The following APBA1 variants were observed in gnomAD, a reference collection of about 807,000 sequenced individuals.
APBA1 encodes amyloid-beta A4 precursor protein-binding family A member 1.
In APBA1, 55 loss-of-function variants were observed where a neutral mutation model predicts 86.6. The observed-to-expected ratio is 0.64, with a 90% CI of 0.51 to 0.80. The LOEUF (loss-of-function observed/expected upper bound fraction) is 0.80, where lower values mean the gene tolerates loss of function less well. Ranked by LOEUF, APBA1 falls within the 30% of genes least tolerant of loss-of-function variation. The probability of loss-of-function intolerance (pLI) is 0.00; values close to 1 mark genes in which losing one functional copy is unlikely to be tolerated. For synonymous variants in APBA1, 511 were observed against 493.9 expected (o/e 1.03, Z -0.46); for missense variants, 1,090 against 1,183.0 (o/e 0.92, Z 1.15).
intron 5 of APBA1, chr9:69,465,299 C>T (rs1835257874): frequency 6.6e-6 from 1 of 152,194 alleles, no homozygotes; most frequent in South Asian, 2.1e-4. Flanking sequence ...TTTTGTGCTT[C>T]CACCAAACCT....
At chr9:69,633,770 A>G (rs1005521785) in intron 1 of APBA1, among the ~76,000 whole-genome samples, 1 of 152,230 alleles carries the variant, frequency 6.6e-6, no homozygotes, top group African/African-American at 2.4e-5. Flanking sequence ...TAAAAGGAGC[A>G]TCCTGAAGTT....
intron 1 of APBA1, among the ~76,000 whole-genome samples, chr9:69,595,366 C>CCA (rs1459343201): frequency 1.3e-5 from 2 of 152,202 alleles, no homozygotes; most frequent in Non-Finnish European, 2.9e-5. Flanking sequence ...CCACCTAGTT[C>CCA]CCAATGTGTG....
At chr9:69,543,226 G>A (rs536374877) in intron 1 of APBA1, among the ~76,000 whole-genome samples, 2 of 152,158 alleles carry the variant, frequency 1.3e-5, no homozygotes, top group African/African-American at 4.8e-5. Flanking sequence ...CCTGGACTGC[G>A]GGCTGCTGGC....
chr9:69,618,672 G>A (rs1300192760), intron 1 of APBA1, among the ~76,000 whole-genome samples: 4 of 152,168 alleles, frequency 2.6e-5, no homozygotes, highest in Admixed American at 6.5e-5. Context: ...TAGAGACAAG[G>A]AGCCATCATG....
At chr9:69,500,102 T>C (rs1835859231) in intron 2 of APBA1, among the ~76,000 whole-genome samples, 1 of 152,082 alleles carries the variant, frequency 6.6e-6, no homozygotes, top group Admixed American at 6.5e-5. Flanking sequence ...GCTGACGGTA[T>C]AATGCTGCTT....
chr9:69,501,011 A>AGACT (rs1178403035), intron 2 of APBA1, among the ~76,000 whole-genome samples: 1 of 152,164 alleles, frequency 6.6e-6, no homozygotes, highest in East Asian at 1.9e-4. Context: ...CAAAATGTTC[A>AGACT]GACTGACTCC....
chr9:69,462,299 C>G (rs754959958), intron 5 of APBA1: 1 of 152,170 alleles, frequency 6.6e-6, no homozygotes, highest in Non-Finnish European at 1.5e-5. Context: ...GAGTGGAAGG[C>G]AAGGTGGAGA....
At chr9:69,514,384 A>G (rs1836099714) in intron 2 of APBA1, among the ~76,000 whole-genome samples, 1 of 151,874 alleles carries the variant, frequency 6.6e-6, no homozygotes, top group African/African-American at 2.4e-5. Flanking sequence ...TGAGGTTAGG[A>G]GTTCAAGCCC....
At chr9:69,525,356 T>C (rs1273315188) in intron 1 of APBA1, among the ~76,000 whole-genome samples, 1 of 152,154 alleles carries the variant, frequency 6.6e-6, no homozygotes, top group African/African-American at 2.4e-5. Context: ...AAAAGGCTCC[T>C]AGAACTGATA....
intron 1 of APBA1, among the ~76,000 whole-genome samples, chr9:69,624,162 A>G (rs1240477800): frequency 6.6e-6 from 1 of 152,212 alleles, no homozygotes; most frequent in Non-Finnish European, 1.5e-5. Context: ...AAAATCAAAC[A>G]GTCTCTAAAT....
chr9:69,464,437 C>A (rs1835243513), intron 5 of APBA1: 1 of 152,202 alleles, frequency 6.6e-6, no homozygotes, highest in South Asian at 2.1e-4. Flanking sequence ...GAGTAATTTG[C>A]TTGTAAAAAT....
chr9:69,456,126 G>A (rs911029183), intron 8 of APBA1, 121 bp downstream of exon 8: 1 of 1,115,536 alleles, frequency 9.0e-7, no homozygotes, highest in African/African-American at 1.5e-5. Flanking sequence ...CTGGAACAGT[G>A]CCTGACACAC....
chr9:69,440,284 G>T (rs1212526112), intron 11 of APBA1, among the ~76,000 whole-genome samples: 6 of 152,176 alleles, frequency 3.9e-5, no homozygotes. Context: ...GCTGTGTGCT[G>T]GGAGAACCAC....
intron 1 of APBA1, among the ~76,000 whole-genome samples, chr9:69,525,529 A>G (rs1026941958): frequency 6.7e-6 from 1 of 150,360 alleles, no homozygotes; most frequent in African/African-American, 2.4e-5. Context: ...ATCTAAGCAA[A>G]GAGAATAACA....
chr9:69,654,183 T>A (rs1337180616), intron 1 of APBA1, among the ~76,000 whole-genome samples: 2 of 148,588 alleles, frequency 1.3e-5, no homozygotes, highest in African/African-American at 4.9e-5. Flanking sequence ...TAGAAAGATC[T>A]CAAATAAGCA....
chr9:69,661,969 C>T (rs1823760170), intron 1 of APBA1, among the ~76,000 whole-genome samples: 2 of 151,534 alleles, frequency 1.3e-5, no homozygotes, highest in South Asian at 4.2e-4. Flanking sequence ...TGTAAGTTAC[C>T]CAGCCTCAGG....
intron 1 of APBA1, among the ~76,000 whole-genome samples, chr9:69,523,518 T>C (rs180721261): frequency 0.2 from 8,167 of 40,528 alleles, 397 homozygotes; most frequent in African/African-American, 0.22. Context: ...TATATATATA[T>C]ATATATATAT....
intron 11 of APBA1, among the ~76,000 whole-genome samples, chr9:69,435,624 C>T (rs1834695826): frequency 6.6e-6 from 1 of 152,134 alleles, no homozygotes; most frequent in Admixed American, 6.5e-5. Context: ...TATCCTTCAC[C>T]CACTTTTTGA....
At position 69,456,516 on chromosome 9, in the gene APBA1, G is replaced by A. The variant is rs1206589374; in HGVS notation, c.1603-84C>T. On this transcript the variant is annotated intron_variant, in intron 7 of 12. Transcript: ENST00000265381. The stretch of plus-strand genomic sequence containing the variant: ...CGCCTGCCACCTTACAGCCAGTCAA[G>A]TATGGTTCGCATGCAGGGTGGGCTC... 4.2e-6 allele frequency: 6 copies of A among 1,411,920 alleles called. No individual in the cohort carries two copies. The African/African-American group carries it at 4.3e-5, about 10-fold the overall frequency. The allele number at this position is 1,411,920 out of a possible 1,614,324, so 87.5% of individuals were successfully genotyped here. A position where few individuals can be genotyped will look rare whatever the true frequency, so the allele number is the denominator to read the frequency against.
Sources: gnomAD v4.1 joint callset for allele counts (sites outside exome capture counted in the v4.1 genomes callset) on GRCh38, gnomAD v4.1.1 for gene constraint, MANE v1.5 for transcripts, NCBI Gene and HGNC (gene_info 2026-07-23, HGNC 2026-07-21) for gene names.